WDFY4: variants seen among roughly 807,000 people sequenced by gnomAD.
The protein encoded by WDFY4 is WDFY family member 4, also known as WD repeat- and FYVE domain-containing protein 4.
WDFY4 carries 169 observed loss-of-function variants against 351.9 expected under a neutral mutation model. The observed-to-expected ratio is 0.48, with a 90% CI of 0.42 to 0.55. The LOEUF (loss-of-function observed/expected upper bound fraction) is 0.55. Ranked by LOEUF, WDFY4 falls within the 20% of genes least tolerant of loss-of-function variation. WDFY4 has a pLI of 0.00. For synonymous variants in WDFY4, 1,622 were observed against 1,574.6 expected, an observed-to-expected ratio of 1.03 and a Z score of -0.71; for missense variants, 3,803 against 3,935.6, an observed-to-expected ratio of 0.97 and a Z score of 0.90.
intron 57 of WDFY4, among the ~76,000 whole-genome samples, chr10:48,973,354 C>T (rs1842415845): frequency 6.6e-6 from 1 of 152,208 alleles, no homozygotes; most frequent in Non-Finnish European, 1.5e-5. Flanking sequence ...AAATCTTCTT[C>T]TGTGGGTCAT....
At position 48,781,266 on chromosome 10, in the gene WDFY4, GTA is replaced by G. The variant is rs531874490; in HGVS notation, c.3576+1159_3576+1160del. ...TGTGTATATATATATGTGTGTGTGT[GTA>G]TATATATATATGTGTGTGTGTGTGT... On this transcript the variant is annotated intron_variant, in intron 19 of 61. Transcript: ENST00000325239. Among the ~76,000 whole-genome samples the G allele has an allele frequency of 4.5e-4, 68 of 150,604 alleles. No individual in the cohort carries two copies. In the South Asian group the frequency reaches 0.011, roughly 25 times the overall value.
At chr10:48,849,368 C>G (rs983659695) in intron 39 of WDFY4, among the ~76,000 whole-genome samples, 4 of 152,236 alleles carry the variant, frequency 2.6e-5, no homozygotes, top group African/African-American at 9.6e-5. Context: ...ATCCACCAGG[C>G]AGCTTTTCCA....
In WDFY4 at chr10:48,873,556, G is replaced by A. The variant is rs1452666779; in HGVS notation, c.6807G>A (p.Gly2269=). 1.3e-6 allele frequency: 2 copies of A among 1,551,718 alleles called. No individual in the cohort carries two copies. Among genetic ancestry groups the A allele is most frequent in the East Asian group, 4.9e-5 (2 of 40,920 alleles). The part of the protein sequence containing the change: ...AWARIQEQLF[G]ELGLWSQGEE... ...CCAGGATCCAGGAGCAGCTTTTTGG[G>A]GAGCTGGGCTTGTGGAGCCAGGGGG... The change falls in exon 41 of 62, where the codon GGG becomes GGA. Residue 2269 remains glycine, a synonymous_variant. Coordinates refer to ENST00000325239, the MANE Select transcript of WDFY4 (RefSeq NM_001394531.1).
chr10:48,697,131 C>T (rs975011770), intron 1 of WDFY4, among the ~76,000 whole-genome samples: 1 of 152,210 alleles, frequency 6.6e-6, no homozygotes, highest in African/African-American at 2.4e-5. Context: ...AGGCCCACTC[C>T]TAGATACATG....
chr10:48,958,603 C>A (rs1466966015), intron 52 of WDFY4, among the ~76,000 whole-genome samples: 1 of 152,024 alleles, frequency 6.6e-6, no homozygotes, highest in Non-Finnish European at 1.5e-5. Context: ...TATATAGGGA[C>A]CTTTTTTTTT....
intron 1 of WDFY4, among the ~76,000 whole-genome samples, chr10:48,704,025 TG>T (rs2063554482): frequency 6.6e-6 from 1 of 152,138 alleles, no homozygotes; most frequent in African/African-American, 2.4e-5. Context: ...TCTGGTTCCC[TG>T]CACATGGCAC....
intron 47 of WDFY4, among the ~76,000 whole-genome samples, chr10:48,910,715 A>T (rs754175708): frequency 6.6e-6 from 1 of 152,076 alleles, no homozygotes; most frequent in Non-Finnish European, 1.5e-5. Flanking sequence ...CTCCTTCCTG[A>T]GATGTGTGAT....
chr10:48,785,937 G>A (rs2066391289), intron 19 of WDFY4, among the ~76,000 whole-genome samples: 1 of 152,146 alleles, frequency 6.6e-6, no homozygotes, highest in Admixed American at 6.6e-5. Context: ...TGATCAACTC[G>A]AGGGGAAATA....
chr10:48,946,852 TG>T lies in WDFY4; in HGVS notation c.7868-7del. 1 of 1,550,548 alleles carries T rather than the reference TG, an allele frequency of 6.4e-7. No homozygotes were observed. The highest frequency in any genetic ancestry group is 8.7e-7 in the Non-Finnish European group (1 of 1,145,894). On this transcript the variant is annotated splice_region_variant and splice_polypyrimidine_tract_variant and intron_variant, in intron 50 of 61. Coordinates refer to ENST00000325239, the MANE Select transcript of WDFY4 (RefSeq NM_001394531.1). ...GAAGCAGCCCTCAAGCATGTGTTTT[TG>T]TTGCAGGAGACATGACTGTCCAGTG...
At chr10:48,832,381 AG>A (rs1216129107) in intron 38 of WDFY4, among the ~76,000 whole-genome samples, 191 bp from the exon 39 acceptor site, 1 of 152,270 alleles carries the variant, frequency 6.6e-6, no homozygotes, top group East Asian at 1.9e-4. Flanking sequence ...GTGACCTCAA[AG>A]CCCACAGTGT....
chr10:48,802,312 G>C (rs999570103), intron 24 of WDFY4, among the ~76,000 whole-genome samples: 2 of 152,194 alleles, frequency 1.3e-5, no homozygotes, highest in Non-Finnish European at 2.9e-5. Flanking sequence ...GGAAGTCAAG[G>C]CTGCAGTGAG....
At chr10:48,935,029 T>C (rs1840267453) in intron 47 of WDFY4, 1 of 152,206 alleles carries the variant, frequency 6.6e-6, no homozygotes, top group African/African-American at 2.4e-5. Context: ...GCCTGGGCTT[T>C]GTAAATAAAG....
intron 1 of WDFY4, among the ~76,000 whole-genome samples, chr10:48,695,657 A>C (rs570492737): frequency 6.6e-4 from 100 of 152,226 alleles, no homozygotes; most frequent in Non-Finnish European, 1.3e-3. Context: ...CTTACATTTC[A>C]GTGGAGACCG....
rs1267035795 is a variant in WDFY4, at chr10:48,775,717, T to G, written c.2774T>G (p.Phe925Cys). The G allele has an allele frequency of 1.9e-6, 3 of 1,551,590 alleles. No individual in the cohort carries two copies. The highest frequency in any genetic ancestry group is 2.0e-5 in the Admixed American group (1 of 50,998). ...CTCTTGTATGTTATGTTCAGACAGTTTCTAGGTCTTGGAATTCCCTCATCT... is the reference window on the plus strand; with the variant it reads ...CTCTTGTATGTTATGTTCAGACAGTGTCTAGGTCTTGGAATTCCCTCATCT... Reference protein sequence around the residue: ...QAIEPDVLRQFLGLGIPSSLS... With the variant: ...QAIEPDVLRQCLGLGIPSSLS... Residue 925 changes from phenylalanine (F) to cysteine (C), a missense_variant, in exon 15 of 62, where the codon TTT becomes TGT. Coordinates refer to ENST00000325239, the MANE Select transcript of WDFY4 (RefSeq NM_001394531.1).
intron 10 of WDFY4, among the ~76,000 whole-genome samples, chr10:48,734,405 A>AAG (rs2064574455): frequency 6.6e-6 from 1 of 152,090 alleles, no homozygotes. Context: ...AGCCATTTTA[A>AAG]AGAAATGCAA....
At chr10:48,820,537 GGC>G in intron 33 of WDFY4, 100 bp downstream of exon 33, 1 of 1,293,720 alleles carries the variant, frequency 7.7e-7, no homozygotes, top group Non-Finnish European at 1.1e-6. Flanking sequence ...AGGGCCTGGG[GGC>G]CACAGCGAGT....
chr10:48,740,437 T>A (rs969562697), intron 11 of WDFY4, among the ~76,000 whole-genome samples: 2 of 152,238 alleles, frequency 1.3e-5, no homozygotes, highest in African/African-American at 2.4e-5. Flanking sequence ...CCTTAGCCTT[T>A]CCTGACCCTG....
chr10:48,723,285 G>T, intron 4 of WDFY4, 148 bp from the exon 5 acceptor site: 1 of 997,436 alleles, frequency 1.0e-6, no homozygotes. Context: ...GCATCCTCTG[G>T]TTGTCAGCAT....
At chr10:48,812,078 C>T (rs1158532391) in intron 30 of WDFY4, among the ~76,000 whole-genome samples, 2 of 152,220 alleles carry the variant, frequency 1.3e-5, no homozygotes, top group Non-Finnish European at 2.9e-5. Context: ...CTTCTTGCCC[C>T]TGTTGCTAGG....
Sources: allele counts gnomAD v4.1 joint callset (sites outside exome capture counted in the v4.1 genomes callset), GRCh38; gene constraint gnomAD v4.1.1; transcripts MANE v1.5; gene names NCBI Gene and HGNC (gene_info 2026-07-23, HGNC 2026-07-21).